The following STK32B variants were observed in gnomAD, a reference collection of about 807,000 sequenced individuals.
The protein encoded by STK32B is serine/threonine-protein kinase 32B.
In STK32B, 43 loss-of-function variants were observed where a neutral mutation model predicts 52.6. That is an observed-to-expected ratio of 0.82 (90% CI 0.64 to 1.05). STK32B has a LOEUF of 1.05. Among genes scored for constraint, STK32B ranks in the 50% least tolerant of loss-of-function variants. STK32B has a pLI of 0.00. For synonymous variants in STK32B, 238 were observed against 204.3 expected, an observed-to-expected ratio of 1.17 and a Z score of -1.41; for missense variants, 621 against 534.6, an observed-to-expected ratio of 1.16 and a Z score of -1.59.
intron 11 of STK32B, among the ~76,000 whole-genome samples, chr4:5,474,282 G>T (rs151141288): frequency 6.6e-6 from 1 of 152,122 alleles, no homozygotes; most frequent in Non-Finnish European, 1.5e-5. Context: ...TCCATCACAG[G>T]CTTCAGAATC....
intron 1 of STK32B, among the ~76,000 whole-genome samples, chr4:5,062,424 T>C (rs1742250340): frequency 1.3e-5 from 2 of 152,192 alleles, no homozygotes; most frequent in Admixed American, 6.5e-5. Context: ...GCATGTAGAA[T>C]TCCCCTGAAG....
At chr4:5,227,092 G>A (rs972768856) in intron 3 of STK32B, among the ~76,000 whole-genome samples, 2 of 152,146 alleles carry the variant, frequency 1.3e-5, no homozygotes, top group Non-Finnish European at 2.9e-5. Context: ...TGAAATATAT[G>A]AAGAAAACCT....
rs75574902 is a variant in STK32B at position 5,165,773 on chromosome 4, C to G, written c.109-2526C>G. ...CCTTTGCCTCCTTGCATTTTATATT[C>G]TCACGTTCACTACTGGAAATGGGTG... On this transcript the variant is annotated intron_variant, in intron 2 of 11. Coordinates refer to ENST00000282908, the MANE Select transcript of STK32B (RefSeq NM_018401.3). Among the ~76,000 whole-genome samples, 1,051 of 152,296 alleles carry G rather than the reference C, an allele frequency of 6.9e-3. 10 individuals are homozygous for G. Among genetic ancestry groups the G allele is most frequent in the African/African-American group, 0.023 (976 of 41,562 alleles).
chr4:5,113,932 C>G (rs28405585), intron 1 of STK32B, among the ~76,000 whole-genome samples: 1 of 151,694 alleles, frequency 6.6e-6, no homozygotes, highest in Non-Finnish European at 1.5e-5. Flanking sequence ...ACCCGCCCCC[C>G]TTTTTAAAAA....
chr4:5,275,257 G>A (rs1577279527), intron 3 of STK32B, among the ~76,000 whole-genome samples: 2 of 152,278 alleles, frequency 1.3e-5, no homozygotes, highest in South Asian at 4.1e-4. Context: ...GTTACATCCT[G>A]TCTGGCCTTT....
intron 7 of STK32B, among the ~76,000 whole-genome samples, chr4:5,455,244 T>C (rs1220603640): frequency 1.3e-5 from 2 of 152,194 alleles, no homozygotes; most frequent in Non-Finnish European, 1.5e-5. Context: ...GCGCCTTCTG[T>C]CTGCAGCAGC....
chr4:5,262,556 T>C (rs1337416476), intron 3 of STK32B, among the ~76,000 whole-genome samples: 2 of 148,172 alleles, frequency 1.3e-5, no homozygotes, highest in Admixed American at 1.4e-4. Flanking sequence ...ACCTGGGAGA[T>C]GGAGCTTGCA....
At chr4:5,442,589 A>C (rs1186782895) in intron 6 of STK32B, among the ~76,000 whole-genome samples, 1 of 151,300 alleles carries the variant, frequency 6.6e-6, no homozygotes, top group East Asian at 2.0e-4. Context: ...TAATTGGAGC[A>C]TTTAGTCCAT....
At chr4:5,074,254 A>T (rs1324959822) in intron 1 of STK32B, among the ~76,000 whole-genome samples, 1 of 151,738 alleles carries the variant, frequency 6.6e-6, no homozygotes, top group Non-Finnish European at 1.5e-5. Flanking sequence ...CAGTTTGGAT[A>T]CAGTTTTTAT....
intron 3 of STK32B, among the ~76,000 whole-genome samples, chr4:5,242,201 T>A (rs539037669): frequency 1.9e-4 from 29 of 152,266 alleles, no homozygotes; most frequent in African/African-American, 5.3e-4. Flanking sequence ...CAACAGTGTA[T>A]AAGTGTTCCT....
chr4:5,055,270 T>A lies in STK32B; in HGVS notation c.52+3355T>A, dbSNP rs536280733. ...ATGCCTGGCTAATTTTTAATTTTTT[T>A]TTTTTTTTTTTAGAGTCAAGGTCTC... On this transcript the variant is annotated intron_variant, in intron 1 of 11. Coordinates refer to ENST00000282908, the MANE Select transcript of STK32B (RefSeq NM_018401.3). Among the ~76,000 whole-genome samples, 16 of 151,934 alleles carry A rather than the reference T, an allele frequency of 1.1e-4. No individual in the cohort carries two copies. In the South Asian group the frequency reaches 3.1e-3, roughly 30 times the overall value.
intron 6 of STK32B, among the ~76,000 whole-genome samples, chr4:5,437,658 C>T (rs1714212043): frequency 6.6e-6 from 1 of 152,216 alleles, no homozygotes; most frequent in African/African-American, 2.4e-5. Flanking sequence ...ACTACATCTC[C>T]AAATGCCTCT....
In STK32B at chr4:5,398,502, G is replaced by A. The variant is rs1443480062; in HGVS notation, c.472+258G>A. On this transcript the variant is annotated intron_variant, in intron 5 of 11. Transcript: ENST00000282908. The surrounding 1 kb of genome is among the most constrained non-coding windows in gnomAD (Gnocchi z 4.9). Reference sequence around the variant, plus strand: ...TCATATCCCCGTGTGAGGAGGACAGGGCCGCCGTGAGGATGAGCCCGGGGT... The same window carrying A: ...TCATATCCCCGTGTGAGGAGGACAGAGCCGCCGTGAGGATGAGCCCGGGGT... Among the ~76,000 whole-genome samples the A allele has an allele frequency of 6.6e-6, 1 of 152,094 alleles. No homozygotes were observed. The highest frequency in any genetic ancestry group is 1.5e-5 in the Non-Finnish European group (1 of 68,014).
chr4:5,190,613 C>T (rs1174618595), intron 3 of STK32B, among the ~76,000 whole-genome samples: 1 of 152,166 alleles, frequency 6.6e-6, no homozygotes, highest in Non-Finnish European at 1.5e-5. Flanking sequence ...AGAGTGCCCG[C>T]TTTCTCATTC....
chr4:5,237,340 T>C (rs1724703516), intron 3 of STK32B, among the ~76,000 whole-genome samples: 1 of 152,174 alleles, frequency 6.6e-6, no homozygotes, highest in Non-Finnish European at 1.5e-5. Flanking sequence ...GTGCATCAGA[T>C]GAGGGCTTGG....
intron 3 of STK32B, among the ~76,000 whole-genome samples, chr4:5,312,723 T>C (rs1730389376): frequency 6.6e-6 from 1 of 151,868 alleles, no homozygotes; most frequent in Non-Finnish European, 1.5e-5. Flanking sequence ...TCTTTGCTAT[T>C]GTGAATAGTG....
chr4:5,263,366 T>A (rs1726854433), intron 3 of STK32B, among the ~76,000 whole-genome samples: 1 of 152,144 alleles, frequency 6.6e-6, no homozygotes. Context: ...CTGCCCAGTC[T>A]CCTAAAGCCA....
At chr4:5,177,015 G>C (rs370289567) in intron 3 of STK32B, among the ~76,000 whole-genome samples, 10 of 152,128 alleles carry the variant, frequency 6.6e-5, no homozygotes, top group Non-Finnish European at 1.3e-4. Context: ...GGAGTGTTTT[G>C]AGAATTAACT....
chr4:5,159,566 A>T (rs1030517944), intron 2 of STK32B, among the ~76,000 whole-genome samples: 1 of 69,160 alleles, frequency 1.4e-5, no homozygotes, highest in East Asian at 4.5e-4. Context: ...TATATGAATG[A>T]ATATATATGA....
Sources: gnomAD v4.1 joint callset for allele counts (sites outside exome capture counted in the v4.1 genomes callset) on GRCh38, gnomAD v4.1.1 for gene constraint, Gnocchi (gnomAD v3.1) non-coding constraint, MANE v1.5 for transcripts, NCBI Gene and HGNC (gene_info 2026-07-23, HGNC 2026-07-21) for gene names.